Variants in ESRRG observed in about 807,000 individuals in gnomAD.
The protein encoded by ESRRG is estrogen-related receptor gamma.
ESRRG carries 13 observed loss-of-function variants against 44.0 expected under a neutral mutation model. The ratio of observed to expected loss-of-function variants is 0.30; its 90% confidence interval spans 0.19 to 0.47. The LOEUF (loss-of-function observed/expected upper bound fraction) is 0.47. Ranked by LOEUF, ESRRG falls within the 20% of genes least tolerant of loss-of-function variation. The pLI, the probability that ESRRG is intolerant of heterozygous loss-of-function variation, is 1.00. For missense variants in ESRRG, 395 were observed against 580.6 expected (o/e 0.68, Z 3.29); for synonymous variants, 215 against 214.6 (o/e 1.00, Z -0.02).
At chr1:216,572,769 A>G (rs1478267732) in intron 3 of ESRRG, among the ~76,000 whole-genome samples, 1 of 152,080 alleles carries the variant, frequency 6.6e-6, no homozygotes. Flanking sequence ...GATAAAAGGT[A>G]CATTGCAAAG....
At chr1:216,718,690 T>C (rs12088824) in intron 1 of ESRRG, among the ~76,000 whole-genome samples, 2,896 of 152,072 alleles carry the variant, frequency 0.019, 91 homozygotes, top group African/African-American at 0.066. Flanking sequence ...GAGATAAAAA[T>C]GGAACAAACT....
chr1:216,730,754 A>C (rs1482033885), intron 2 of ESRRG, among the ~76,000 whole-genome samples: 2 of 152,188 alleles, frequency 1.3e-5, no homozygotes, highest in African/African-American at 4.8e-5. Flanking sequence ...TTTAAGAGAT[A>C]AGATGATTGG....
intron 3 of ESRRG, among the ~76,000 whole-genome samples, chr1:216,575,245 C>A (rs958387546): frequency 1.2e-4 from 18 of 152,058 alleles, no homozygotes; most frequent in African/African-American, 3.9e-4. Flanking sequence ...ATATTAAATT[C>A]TTGAGGATCA....
At chr1:217,119,732 G>C (rs2092794130) in intron 1 of ESRRG, among the ~76,000 whole-genome samples, 2 of 152,188 alleles carry the variant, frequency 1.3e-5, no homozygotes, top group Admixed American at 1.3e-4. Context: ...ACAAAGGTTG[G>C]ATTGGAAAGT....
chr1:216,978,830 G>T (rs947307486), intron 1 of ESRRG, among the ~76,000 whole-genome samples: 1 of 152,130 alleles, frequency 6.6e-6, no homozygotes, highest in Non-Finnish European at 1.5e-5. Context: ...AGGAGGCCAA[G>T]GTCTCTTTCC....
chr1:216,878,327 C>T (rs571077503), intron 2 of ESRRG, among the ~76,000 whole-genome samples: 2 of 152,218 alleles, frequency 1.3e-5, no homozygotes, highest in East Asian at 3.9e-4. Flanking sequence ...ACTAATCCCT[C>T]ATCAGTATTA....
chr1:216,704,372 C>T (rs2082050234), intron 1 of ESRRG, among the ~76,000 whole-genome samples: 1 of 152,092 alleles, frequency 6.6e-6, no homozygotes, highest in Non-Finnish European at 1.5e-5. Flanking sequence ...AAAAATTTAG[C>T]TAGGCATGGT....
At chr1:216,830,200 T>G (rs1363360637) in intron 2 of ESRRG, among the ~76,000 whole-genome samples, 3 of 152,182 alleles carry the variant, frequency 2.0e-5, no homozygotes, top group Non-Finnish European at 4.4e-5. Flanking sequence ...GTAGTTAATA[T>G]GAAGTGTTTA....
intron 3 of ESRRG, among the ~76,000 whole-genome samples, chr1:216,585,548 T>C (rs2063602526): frequency 1.3e-5 from 2 of 152,038 alleles, no homozygotes; most frequent in Non-Finnish European, 2.9e-5. Context: ...TGATCTAACA[T>C]CTTTGAGAAA....
At chr1:216,721,479 T>G (rs2086267557) in intron 1 of ESRRG, among the ~76,000 whole-genome samples, 1 of 152,226 alleles carries the variant, frequency 6.6e-6, no homozygotes, top group Non-Finnish European at 1.5e-5. Context: ...TAAATCTGTA[T>G]TTTTTAAAGA....
At chr1:216,797,507 A>C (rs534738426) in intron 2 of ESRRG, among the ~76,000 whole-genome samples, 1 of 152,262 alleles carries the variant, frequency 6.6e-6, no homozygotes, top group Non-Finnish European at 1.5e-5. Flanking sequence ...TAACCCACAT[A>C]GTCTGATAAA....
chr1:217,078,564 G>C (rs1197865124), intron 1 of ESRRG, among the ~76,000 whole-genome samples: 1 of 152,164 alleles, frequency 6.6e-6, no homozygotes, highest in Non-Finnish European at 1.5e-5. Context: ...TTTCATCTCA[G>C]GTATGTTAGC....
At chr1:216,591,476 A>G (rs1490404274) in intron 3 of ESRRG, among the ~76,000 whole-genome samples, 1 of 152,208 alleles carries the variant, frequency 6.6e-6, no homozygotes, top group Non-Finnish European at 1.5e-5. Context: ...CTGGATACCC[A>G]GTTGGTGCCT....
chr1:216,855,778 G>A (rs541844950), intron 2 of ESRRG, among the ~76,000 whole-genome samples: 4 of 152,182 alleles, frequency 2.6e-5, no homozygotes, highest in South Asian at 2.1e-4. Flanking sequence ...TGCGGCTGCC[G>A]CATCTGCACG....
At chr1:216,983,673 C>T (rs186513351) in intron 1 of ESRRG, among the ~76,000 whole-genome samples, 13 of 119,102 alleles carry the variant, frequency 1.1e-4, no homozygotes, top group East Asian at 7.9e-4. Context: ...TAATCCCTTT[C>T]GCGTGCATGT....
intron 2 of ESRRG, among the ~76,000 whole-genome samples, chr1:216,762,345 C>T (rs368022998): frequency 1.7e-4 from 26 of 152,038 alleles, no homozygotes; most frequent in South Asian, 6.2e-4. Flanking sequence ...GAAAATGTGG[C>T]GCATATACAC....
intron 1 of ESRRG, among the ~76,000 whole-genome samples, chr1:216,980,186 G>A (rs983509756): frequency 4.6e-5 from 7 of 152,024 alleles, no homozygotes; most frequent in East Asian, 1.9e-4. Flanking sequence ...TAATGCTTGC[G>A]TTCCATGTTG....
At chr1:216,735,987 A>AAAAAAAAAATATAT (rs1453476198) in intron 2 of ESRRG, among the ~76,000 whole-genome samples, 12 of 137,120 alleles carry the variant, frequency 8.8e-5, no homozygotes, top group Admixed American at 2.3e-4. Context: ...CTCAAAAAAA[A>AAAAAAAAAATATAT]ATATATATAT....
At chr1:217,135,753 A>G (rs2093040824) in intron 1 of ESRRG, among the ~76,000 whole-genome samples, 2 of 152,170 alleles carry the variant, frequency 1.3e-5, no homozygotes, top group Non-Finnish European at 2.9e-5. Flanking sequence ...AAATCACGGG[A>G]CACGACGGAG....
Sources: gnomAD v4.1 joint callset for allele counts (sites outside exome capture counted in the v4.1 genomes callset) on GRCh38, gnomAD v4.1.1 for gene constraint, MANE v1.5 for transcripts, NCBI Gene and HGNC (gene_info 2026-07-23, HGNC 2026-07-21) for gene names.